Variants in SHOX observed in about 807,000 individuals in gnomAD.
The protein encoded by SHOX is SHOX homeobox.
Under a neutral mutation model 29.6 loss-of-function variants are expected in SHOX, and 12 were observed. The ratio of observed to expected loss-of-function variants is 0.41; its 90% CI spans 0.26 to 0.66. The LOEUF is 0.66. Among genes scored for constraint, SHOX ranks in the 30% least tolerant of loss-of-function variants. SHOX has a pLI of 0.35. For missense variants in SHOX, 499 were observed against 437.7 expected (o/e 1.14, Z -1.25); for synonymous variants, 214 against 200.6 (o/e 1.07, Z -0.57).
chrX:632,990 G>A (rs771405130), intron 1 of SHOX, among the ~76,000 whole-genome samples: 13 of 152,086 alleles, frequency 8.5e-5, no homozygotes, highest in Non-Finnish European at 1.6e-4. Context: ...GTGTCCTCCA[G>A]ACCTTTCGAA....
At chrX:652,127 G>A (rs1215588517), downstream of SHOX, among the ~76,000 whole-genome samples, 2 of 152,022 alleles carry the variant, frequency 1.3e-5, no homozygotes, top group Non-Finnish European at 2.9e-5. Flanking sequence ...GTTTCACCGT[G>A]TTGGTCAGGC....
intron 5 of SHOX, among the ~76,000 whole-genome samples, chrX:657,773 G>T (rs1053789139): frequency 1.3e-5 from 2 of 152,142 alleles, no homozygotes; most frequent in African/African-American, 4.8e-5. Context: ...ACACAGAGTA[G>T]AGAAATGTCA....
chrX:640,083 G>A (rs1204023421), intron 2 of SHOX, among the ~76,000 whole-genome samples: 3 of 147,896 alleles, frequency 2.0e-5, no homozygotes, highest in African/African-American at 7.5e-5. Flanking sequence ...AGTGGCTCAC[G>A]CCTGTCATCC....
chrX:625,081 C>CCCTCCCTCCCTCCTTCTCTT, intron 1 of SHOX, among the ~76,000 whole-genome samples: 1 of 121,376 alleles, frequency 8.2e-6, no homozygotes, highest in South Asian at 3.1e-4. Flanking sequence ...CTCCTTCTCT[C>CCCTCCCTCCCTCCTTCTCTT]CCTCCCTCCC....
upstream of SHOX, among the ~76,000 whole-genome samples, chrX:626,716 C>G (rs1208123155): frequency 3.5e-5 from 5 of 141,056 alleles, no homozygotes; most frequent in African/African-American, 1.3e-4. Flanking sequence ...TCATCTCTCT[C>G]TGTCTCTTTT....
At position 646,286 on chromosome X, in the gene SHOX, C is replaced by G. The variant is rs185971755; in HGVS notation, c.*1650C>G. 6.6e-6 allele frequency: 1 copy of G among 152,274 alleles called. No individual in the cohort carries two copies. The highest frequency in any genetic ancestry group is 1.5e-5 in the Non-Finnish European group (1 of 68,066). 9.4% of individuals were successfully genotyped at this position (152,274 alleles called of 1,614,324 possible). ...CTGCCCCCAGATTTCGGGAGATCCA[C>G]GTTCCATGTTCTGATTGGTTTTCTG... On this transcript the variant is annotated 3_prime_UTR_variant, in exon 5 of 5. Coordinates refer to ENST00000686671, the MANE Select transcript of SHOX (RefSeq NM_000451.4).
In SHOX at chrX:651,412, G is replaced by GAA; in HGVS notation, c.*6784_*6785dup. 5.4e-6 allele frequency: 1 copy of GAA among 186,760 alleles called. No individual in the cohort carries two copies. The highest frequency in any genetic ancestry group is 5.3e-5 in the Admixed American group (1 of 18,936). The allele number at this position is 186,760 out of a possible 1,614,324, so 11.6% of individuals were successfully genotyped here. A position where few individuals can be genotyped will look rare whatever the true frequency, so the allele number is the denominator to read the frequency against. On this transcript the variant is annotated 3_prime_UTR_variant, in exon 5 of 5. Transcript: ENST00000686671. ...TAGAAAAAAAACAAACAAACAAACA[G>GAA]AAAAAAAAACCAAAAAAAACCACCC...
At chrX:626,905 CTCTCTCTGTG>C (rs1049058638), upstream of SHOX, among the ~76,000 whole-genome samples, 182 of 151,744 alleles carry the variant, frequency 1.2e-3, 1 homozygote, top group African/African-American at 4.2e-3. Flanking sequence ...TTTTCTCTGT[CTCTCTCTGTG>C]TCTCTACCTG....
chrX:657,515 T>G (rs764533453), intron 5 of SHOX, among the ~76,000 whole-genome samples: 1 of 152,248 alleles, frequency 6.6e-6, no homozygotes, highest in South Asian at 2.1e-4. Flanking sequence ...AAGAACCAGT[T>G]TTTTTCAGAG....
intron 2 of SHOX, among the ~76,000 whole-genome samples, chrX:637,622 G>A (rs1271882145): frequency 2.0e-5 from 3 of 152,154 alleles, no homozygotes; most frequent in Non-Finnish European, 4.4e-5. Flanking sequence ...CCATCGCCGC[G>A]GGGGGAAAGG....
rs972989951 is a variant in SHOX, at chrX:645,418, T to G, written c.*782T>G. On this transcript the variant is annotated 3_prime_UTR_variant, in exon 5 of 5. Coordinates refer to ENST00000686671, the MANE Select transcript of SHOX (RefSeq NM_000451.4). ...TTTTTTTTTTTTTTTTTTTTTTTTTTTTTTTGCTGTGTTACAGGATTCAGA... is the reference window on the plus strand; with the variant it reads ...TTTTTTTTTTTTTTTTTTTTTTTTTGTTTTTGCTGTGTTACAGGATTCAGA... 2 of 124,638 alleles carry G rather than the reference T, an allele frequency of 1.6e-5. No homozygotes were observed. Among genetic ancestry groups the G allele is most frequent in the African/African-American group, 3.3e-5 (1 of 30,298 alleles). 7.7% of individuals were successfully genotyped at this position (124,638 alleles called of 1,614,324 possible).
upstream of SHOX, among the ~76,000 whole-genome samples, chrX:627,838 G>A (rs1470073046): frequency 6.6e-6 from 1 of 152,154 alleles, no homozygotes; most frequent in Non-Finnish European, 1.5e-5. Flanking sequence ...CTGGTCCTTG[G>A]GGTTGGAGAA....
chrX:641,179 T>A, intron 4 of SHOX, 92 bp downstream of exon 4: 1 of 1,225,872 alleles, frequency 8.2e-7, no homozygotes, highest in Non-Finnish European at 1.2e-6. Context: ...ACACTCCTAG[T>A]CCCTCCCTGC....
At position 635,126 on chromosome X, in the gene SHOX, T is replaced by C. The variant is rs28545202; in HGVS notation, c.486+300T>C. Among the ~76,000 whole-genome samples, 172 of 152,254 alleles carry C rather than the reference T, an allele frequency of 1.1e-3. 1 individual carries two copies. The highest frequency in any genetic ancestry group is 3.8e-3 in the African/African-American group (156 of 41,550). On this transcript the variant is annotated intron_variant, in intron 2 of 4. Transcript: ENST00000686671. ...GGTATATTGTATATATTATAGATAT[T>C]TGTTCGTCCTTGGTGCAAAGACACC...
upstream of SHOX, chrX:630,735 A>T: frequency 1.2e-6 from 1 of 864,342 alleles, no homozygotes; most frequent in South Asian, 1.6e-5. Flanking sequence ...CAGGCAGCGC[A>T]TGGGGGGCTG....
chrX:642,096 C>A (rs2052864305), intron 4 of SHOX, among the ~76,000 whole-genome samples: 1 of 152,220 alleles, frequency 6.6e-6, no homozygotes, highest in Non-Finnish European at 1.5e-5. Flanking sequence ...AAGGGCGCCC[C>A]CGCCCTGCCC....
At chrX:626,973 T>C (rs768069975), upstream of SHOX, among the ~76,000 whole-genome samples, 3 of 151,520 alleles carry the variant, frequency 2.0e-5, no homozygotes, top group Non-Finnish European at 4.4e-5. Flanking sequence ...TATCTCTGTC[T>C]ACCTCTGTCT....
intron 3 of SHOX, 21 bp downstream of exon 3, chrX:640,899 G>A: frequency 6.2e-7 from 1 of 1,613,846 alleles, no homozygotes; most frequent in East Asian, 2.2e-5. Context: ...GGACTGGGGG[G>A]ACCTGAAGCT....
intron 1 of SHOX, among the ~76,000 whole-genome samples, chrX:625,470 CTCTCTCTGTCTG>C (rs1214566849): frequency 2.0e-5 from 3 of 151,958 alleles, no homozygotes; most frequent in African/African-American, 4.8e-5. Context: ...CTCTCGCTGT[CTCTCTCTGTCTG>C]TCTCTCTGTC....
Sources: gnomAD v4.1 joint callset for allele counts (sites outside exome capture counted in the v4.1 genomes callset) on GRCh38, gnomAD v4.1.1 for gene constraint, MANE v1.5 for transcripts, NCBI Gene and HGNC (gene_info 2026-07-23, HGNC 2026-07-21) for gene names.